Variants in WWOX observed in about 807,000 individuals in gnomAD.
The protein encoded by WWOX is WW domain containing oxidoreductase, also known as WW domain-containing oxidoreductase.
In WWOX, 69 loss-of-function variants were observed where a neutral mutation model predicts 46.2. The observed-to-expected ratio is 1.49, with a 90% CI of 1.23 to 1.82. WWOX has a LOEUF of 1.82. WWOX is among the 40% of genes most tolerant of loss of function. The probability of loss-of-function intolerance (pLI) is 0.00; values close to 1 mark genes in which losing one functional copy is unlikely to be tolerated. For missense variants in WWOX, 919 were observed against 542.6 expected (o/e 1.69, Z -6.89); for synonymous variants, 359 against 202.6 (o/e 1.77, Z -6.56).
rs187850203 is a variant in WWOX at position 78,817,546 on chromosome 16, A to T, written c.1056+384794A>T. Among the ~76,000 whole-genome samples the T allele has an allele frequency of 1.6e-4, 25 of 152,346 alleles. No individual in the cohort carries two copies. In the Middle Eastern group the frequency reaches 0.01, roughly 62 times the overall value. On this transcript the variant is annotated intron_variant, in intron 8 of 8. Coordinates refer to ENST00000566780, the MANE Select transcript of WWOX (RefSeq NM_016373.4). ...AACTTTGCTTCAAATTTGCCAATCA[A>T]AATTCACGAACCCATGCCAAGTTGG...
chr16:78,690,914 C>G (rs543884029), intron 8 of WWOX, among the ~76,000 whole-genome samples: 27 of 152,106 alleles, frequency 1.8e-4, no homozygotes, highest in Non-Finnish European at 3.8e-4. Context: ...TGCAGGTGGC[C>G]GAAGCCTTTG....
At chr16:78,248,864 C>A (rs1352034280) in intron 5 of WWOX, among the ~76,000 whole-genome samples, 1 of 117,392 alleles carries the variant, frequency 8.5e-6, no homozygotes, top group Non-Finnish European at 1.8e-5. Flanking sequence ...GCCCCCCGGC[C>A]TTTTTTTTTT....
In WWOX at chr16:78,765,455, G is replaced by T. The variant is rs972210408; in HGVS notation, c.1056+332703G>T. On this transcript the variant is annotated intron_variant, in intron 8 of 8. Coordinates refer to ENST00000566780, the MANE Select transcript of WWOX (RefSeq NM_016373.4). Reference sequence around the variant, plus strand: ...GCACTTTGGGAGGCTGAGGCGGGTGGACCACCTGAGGTCAGGAGTTCGAGA... The same window carrying T: ...GCACTTTGGGAGGCTGAGGCGGGTGTACCACCTGAGGTCAGGAGTTCGAGA... 7.2e-5 allele frequency among the ~76,000 whole-genome samples: 11 copies of T among 152,122 alleles called. No individual in the cohort carries two copies. The South Asian group carries it at 1.7e-3, about 23-fold the overall frequency.
At chr16:78,252,790 A>G (rs1311081087) in intron 5 of WWOX, among the ~76,000 whole-genome samples, 3 of 152,214 alleles carry the variant, frequency 2.0e-5, no homozygotes, top group Non-Finnish European at 4.4e-5. Context: ...ATCATCAAAA[A>G]ACAACCCAAA....
intron 8 of WWOX, among the ~76,000 whole-genome samples, chr16:78,621,592 C>CTTTTCTTTTTTT (rs2046184654): frequency 9.5e-5 from 3 of 31,512 alleles, no homozygotes; most frequent in Non-Finnish European, 1.8e-4. Context: ...TTGTTCTAAT[C>CTTTTCTTTTTTT]TTTTTTTTTT....
intron 8 of WWOX, among the ~76,000 whole-genome samples, chr16:78,807,780 G>C (rs114501737): frequency 1.3e-5 from 2 of 152,118 alleles, no homozygotes; most frequent in Non-Finnish European, 2.9e-5. Flanking sequence ...TGTCTGATAC[G>C]GTAGCCATTA....
intron 5 of WWOX, among the ~76,000 whole-genome samples, chr16:78,325,297 C>G (rs1311897544): frequency 6.6e-6 from 1 of 152,158 alleles, no homozygotes; most frequent in Non-Finnish European, 1.5e-5. Flanking sequence ...TCTTTTATGA[C>G]TTTATAAATA....
At chr16:78,544,856 C>T (rs2043988883) in intron 8 of WWOX, among the ~76,000 whole-genome samples, 1 of 151,972 alleles carries the variant, frequency 6.6e-6, no homozygotes, top group Admixed American at 6.6e-5. Flanking sequence ...GCATGCGTGA[C>T]AGAGTGAGAC....
intron 8 of WWOX, among the ~76,000 whole-genome samples, chr16:78,911,012 A>G (rs912155764): frequency 1.3e-5 from 2 of 151,958 alleles, no homozygotes; most frequent in African/African-American, 2.4e-5. Context: ...AATTAAAAAT[A>G]AATTAAAAAA....
chr16:78,413,527 A>T (rs969267780), intron 6 of WWOX, among the ~76,000 whole-genome samples: 3 of 152,164 alleles, frequency 2.0e-5, no homozygotes, highest in African/African-American at 4.8e-5. Flanking sequence ...GGTGGTGGAG[A>T]TTACAAAGTA....
At chr16:78,664,306 C>G (rs1237461020) in intron 8 of WWOX, among the ~76,000 whole-genome samples, 2 of 152,206 alleles carry the variant, frequency 1.3e-5, no homozygotes, top group African/African-American at 4.8e-5. Context: ...CACCCTGACT[C>G]CCAGTGTGGG....
At chr16:78,466,586 T>C (rs141076442) in intron 8 of WWOX, among the ~76,000 whole-genome samples, 19,706 of 152,124 alleles carry the variant, frequency 0.13, 1,390 homozygotes, top group Non-Finnish European at 0.16. Flanking sequence ...TCCCAGCACT[T>C]TGGGAGGCTG....
At chr16:78,537,669 G>C (rs190299056) in intron 8 of WWOX, among the ~76,000 whole-genome samples, 1 of 152,104 alleles carries the variant, frequency 6.6e-6, no homozygotes, top group Non-Finnish European at 1.5e-5. Flanking sequence ...CAACTGTCTC[G>C]GGGGCTGGAG....
At chr16:78,534,444 A>T (rs914284614) in intron 8 of WWOX, 30 of 152,218 alleles carry the variant, frequency 2.0e-4, no homozygotes, top group African/African-American at 6.5e-4. Context: ...CAGACAGTGT[A>T]ATTTCCCTGG....
At chr16:78,395,916 G>C (rs1457286934) in intron 6 of WWOX, among the ~76,000 whole-genome samples, 1 of 151,990 alleles carries the variant, frequency 6.6e-6, no homozygotes, top group African/African-American at 2.4e-5. Flanking sequence ...CTTGATTTTA[G>C]GCATCTTTTT....
intron 8 of WWOX, among the ~76,000 whole-genome samples, chr16:78,934,310 C>G (rs1298715367): frequency 7.4e-6 from 1 of 136,022 alleles, no homozygotes; most frequent in Non-Finnish European, 1.5e-5. Flanking sequence ...TGCACTCTAG[C>G]CTGGGCGACA....
intron 5 of WWOX, chr16:78,355,676 A>C (rs747563586): frequency 4.1e-5 from 30 of 732,736 alleles, no homozygotes; most frequent in Non-Finnish European, 6.1e-5. Context: ...TCAACATTTA[A>C]ATATGATCTT....
intron 8 of WWOX, among the ~76,000 whole-genome samples, chr16:78,774,290 A>G (rs1437044923): frequency 3.3e-5 from 5 of 152,140 alleles, no homozygotes; most frequent in South Asian, 2.1e-4. Context: ...AATCCCAGCT[A>G]CTCAGGAGGC....
At position 78,616,029 on chromosome 16, in the gene WWOX, C is replaced by T. The variant is rs144023250; in HGVS notation, c.1056+183277C>T. Among the ~76,000 whole-genome samples, 1,449 of 152,168 alleles carry T rather than the reference C, an allele frequency of 9.5e-3. 24 individuals carry two copies. Among genetic ancestry groups the T allele is most frequent in the African/African-American group, 0.034 (1,394 of 41,516 alleles). On this transcript the variant is annotated intron_variant, in intron 8 of 8. Transcript: ENST00000566780. Reference sequence around the variant, plus strand: ...CCTCCCAAAGTGCTGGGATTACAGGCGTGAACTACTGTGCCTGGCCAGGAT... The same window carrying T: ...CCTCCCAAAGTGCTGGGATTACAGGTGTGAACTACTGTGCCTGGCCAGGAT...
Sources: gnomAD v4.1 joint callset for allele counts (sites outside exome capture counted in the v4.1 genomes callset) on GRCh38, gnomAD v4.1.1 for gene constraint, MANE v1.5 for transcripts, NCBI Gene and HGNC (gene_info 2026-07-23, HGNC 2026-07-21) for gene names.